PRKCE: variants seen among roughly 807,000 people sequenced by gnomAD.
The protein encoded by PRKCE is protein kinase C epsilon.
In PRKCE, 16 loss-of-function variants were observed where a neutral mutation model predicts 85.4. The observed-to-expected ratio is 0.19, with a 90% confidence interval of 0.13 to 0.28. The LOEUF is 0.28. Ranked by LOEUF, PRKCE falls within the 10% of genes least tolerant of loss-of-function variation. PRKCE has a pLI of 1.00. For missense variants in PRKCE, 573 were observed against 975.2 expected (o/e 0.59, Z 5.49); for synonymous variants, 388 against 371.5 (o/e 1.04, Z -0.51).
chr2:45,670,930 C>G (rs1338211502), intron 1 of PRKCE, among the ~76,000 whole-genome samples: 1 of 152,170 alleles, frequency 6.6e-6, no homozygotes, highest in Non-Finnish European at 1.5e-5. Flanking sequence ...CTCTTGAAAC[C>G]CCTGCAAGTG....
chr2:45,834,330 G>A (rs995641345), intron 1 of PRKCE, among the ~76,000 whole-genome samples: 2 of 152,182 alleles, frequency 1.3e-5, no homozygotes, highest in African/African-American at 2.4e-5. Context: ...CTGTAGTCTG[G>A]GGGATTGGAG....
At chr2:45,894,990 T>G (rs1696025247) in intron 2 of PRKCE, among the ~76,000 whole-genome samples, 1 of 152,264 alleles carries the variant, frequency 6.6e-6, no homozygotes, top group Non-Finnish European at 1.5e-5. Flanking sequence ...CCCAAAGTGC[T>G]GGGATTACAG....
chr2:45,933,281 C>T (rs893947233), intron 2 of PRKCE, among the ~76,000 whole-genome samples: 8 of 152,056 alleles, frequency 5.3e-5, no homozygotes, highest in African/African-American at 1.9e-4. Context: ...CCTTGTAGTT[C>T]CTTAAGAGGA....
intron 5 of PRKCE, 24 bp from the exon 6 acceptor site, chr2:45,984,527 A>G: frequency 6.3e-7 from 1 of 1,598,228 alleles, no homozygotes; most frequent in Non-Finnish European, 8.5e-7. Context: ...TCGGTGGTGA[A>G]CCTGTATCTT....
chr2:45,924,962 G>T (rs767616186), intron 2 of PRKCE, among the ~76,000 whole-genome samples: 19 of 152,192 alleles, frequency 1.2e-4, no homozygotes, highest in Non-Finnish European at 2.5e-4. Context: ...GAGTGCAGGG[G>T]ACCAGCCTGC....
intron 2 of PRKCE, among the ~76,000 whole-genome samples, chr2:45,955,599 G>T (rs1700918775): frequency 6.6e-6 from 1 of 152,124 alleles, no homozygotes; most frequent in Non-Finnish European, 1.5e-5. Context: ...CAGAAGGATC[G>T]CTTGAGCCCT....
In PRKCE at chr2:46,173,362, T is replaced by C. The variant is rs200902144; in HGVS notation, c.2068-11373T>C. On this transcript the variant is annotated intron_variant, in intron 14 of 14. Transcript: ENST00000306156. ...CACCACATCTAAAATATTTACTACC[T>C]GGCCTTTCACAGAAAAAAATGGCAA... Among the ~76,000 whole-genome samples, 3 of 152,204 alleles carry C rather than the reference T, an allele frequency of 2.0e-5. No individual in the cohort carries two copies. The East Asian group carries it at 5.8e-4, about 29-fold the overall frequency.
At chr2:45,869,939 C>G (rs543201888) in intron 2 of PRKCE, among the ~76,000 whole-genome samples, 2 of 152,104 alleles carry the variant, frequency 1.3e-5, no homozygotes, top group African/African-American at 4.8e-5. Flanking sequence ...AACTCCTGAC[C>G]TCCTGGTCTG....
intron 1 of PRKCE, among the ~76,000 whole-genome samples, chr2:45,836,085 A>G (rs1407235811): frequency 6.6e-6 from 1 of 152,318 alleles, no homozygotes; most frequent in African/African-American, 2.4e-5. Context: ...GTACAGATCC[A>G]GTTTTTTAAT....
chr2:45,842,296 G>A (rs571157101), intron 1 of PRKCE, among the ~76,000 whole-genome samples: 23 of 152,158 alleles, frequency 1.5e-4, no homozygotes, highest in Admixed American at 1.1e-3. Context: ...CTTCCCTTCC[G>A]TCTTCTACAC....
At chr2:46,026,208 G>A (rs1214663896) in intron 10 of PRKCE, among the ~76,000 whole-genome samples, 1 of 152,178 alleles carries the variant, frequency 6.6e-6, no homozygotes, top group Non-Finnish European at 1.5e-5. Flanking sequence ...AAAAAGCGCA[G>A]TCTAAGCACA....
At chr2:45,958,320 T>C (rs562557963) in intron 2 of PRKCE, among the ~76,000 whole-genome samples, 2 of 151,106 alleles carry the variant, frequency 1.3e-5, no homozygotes, top group Admixed American at 6.6e-5. Context: ...CCAGCCTGGC[T>C]AACATGGTGA....
chr2:46,124,524 G>A (rs1434234213), intron 11 of PRKCE, among the ~76,000 whole-genome samples: 10 of 152,214 alleles, frequency 6.6e-5, no homozygotes, highest in East Asian at 1.9e-4. Flanking sequence ...GTGAAACCTC[G>A]TTTCATGAGT....
intron 1 of PRKCE, among the ~76,000 whole-genome samples, chr2:45,715,438 C>T (rs768665912): frequency 3.3e-5 from 5 of 152,308 alleles, no homozygotes; most frequent in African/African-American, 4.8e-5. Context: ...CTTAAAGATA[C>T]GGTTGGGTTT....
intron 11 of PRKCE, among the ~76,000 whole-genome samples, chr2:46,124,033 A>T (rs754825423): frequency 1.3e-5 from 2 of 152,186 alleles, no homozygotes; most frequent in Non-Finnish European, 2.9e-5. Context: ...GCTTTTTAAT[A>T]AAGAGATATG....
At chr2:45,843,214 G>A (rs567250955) in intron 2 of PRKCE, 151 bp downstream of exon 2, 40 of 737,624 alleles carry the variant, frequency 5.4e-5, no homozygotes, top group South Asian at 3.7e-4. Context: ...AGATGCTTAC[G>A]CCTGTGTACC....
At position 45,986,732 on chromosome 2, in the gene PRKCE, A is replaced by C. The variant is rs574917286; in HGVS notation, c.823+2052A>C. ...GGACAGAACACAATCCAGCCACTGGACATGAGGAGGTGCTGACTGTGGACA... is the reference window on the plus strand; with the variant it reads ...GGACAGAACACAATCCAGCCACTGGCCATGAGGAGGTGCTGACTGTGGACA... On this transcript the variant is annotated intron_variant, in intron 6 of 14. Transcript: ENST00000306156. Among the ~76,000 whole-genome samples the C allele has an allele frequency of 2.1e-3, 319 of 152,242 alleles. 2 individuals are homozygous for C. The highest frequency in any genetic ancestry group is 7.3e-3 in the African/African-American group (304 of 41,538).
intron 1 of PRKCE, among the ~76,000 whole-genome samples, chr2:45,694,225 A>T (rs1677963788): frequency 6.6e-6 from 1 of 150,920 alleles, no homozygotes; most frequent in South Asian, 2.1e-4. Context: ...AGCCAGGTAA[A>T]ATGTCTCATC....
In PRKCE at chr2:46,112,361, G is replaced by C. The variant is rs189932741; in HGVS notation, c.1592+25999G>C. 1.2e-4 allele frequency among the ~76,000 whole-genome samples: 19 copies of C among 152,030 alleles called. No individual in the cohort carries two copies. The East Asian group carries it at 3.3e-3, about 26-fold the overall frequency. Reference sequence around the variant, plus strand: ...TTGGTTTGTTTTGGTTTGCTTGCTTGTTTTGCTTATTTGTTTTATCCACTC... The same window carrying C: ...TTGGTTTGTTTTGGTTTGCTTGCTTCTTTTGCTTATTTGTTTTATCCACTC... On this transcript the variant is annotated intron_variant, in intron 11 of 14. Transcript: ENST00000306156.
Sources: gnomAD v4.1 joint callset for allele counts (sites outside exome capture counted in the v4.1 genomes callset) on GRCh38, gnomAD v4.1.1 for gene constraint, MANE v1.5 for transcripts, NCBI Gene and HGNC (gene_info 2026-07-23, HGNC 2026-07-21) for gene names.